ACSF2: variants seen among roughly 807,000 people sequenced by gnomAD.
The protein encoded by ACSF2 is medium-chain acyl-CoA ligase ACSF2, mitochondrial.
In ACSF2, 52 loss-of-function variants were observed where a neutral mutation model predicts 79.3. That is an observed-to-expected ratio of 0.66 (90% CI 0.53 to 0.83). The LOEUF (loss-of-function observed/expected upper bound fraction) is 0.83. ACSF2 is among the 40% of genes least tolerant of loss of function. ACSF2 has a pLI of 0.00. For synonymous variants in ACSF2, 283 were observed against 312.6 expected, an observed-to-expected ratio of 0.91 and a Z score of 1.00; for missense variants, 661 against 803.3, an observed-to-expected ratio of 0.82 and a Z score of 2.14.
chr17:50,441,507 A>G (rs985155018), intron 1 of ACSF2, among the ~76,000 whole-genome samples: 25 of 152,294 alleles, frequency 1.6e-4, no homozygotes, highest in Middle Eastern at 6.8e-3. Flanking sequence ...GGGCTCTGAA[A>G]AGATTCATGT....
At chr17:50,464,538 G>T (rs566193091) in intron 10 of ACSF2, 18 of 650,238 alleles carry the variant, frequency 2.8e-5, no homozygotes, top group Admixed American at 2.5e-4. Flanking sequence ...ATCTCAGGAA[G>T]AAATTGCAGC....
intron 10 of ACSF2, among the ~76,000 whole-genome samples, chr17:50,470,454 T>C (rs990046051): frequency 2.6e-5 from 4 of 152,040 alleles, no homozygotes; most frequent in Admixed American, 6.6e-5. Context: ...TTTTTTATTT[T>C]GATGGAAATA....
In ACSF2 at chr17:50,463,584, T is replaced by C. The variant is rs765125781; in HGVS notation, c.1046+32T>C. The stretch of plus-strand genomic sequence containing the variant: ...ACTGGTGGACAGGCTACTTGTGGGC[T>C]GATAAAACCCTCTTCTTCCTCACTC... On this transcript the variant is annotated intron_variant, in intron 8 of 15. Coordinates refer to ENST00000300441, the MANE Select transcript of ACSF2 (RefSeq NM_025149.6). The surrounding 1 kb of genome is among the most constrained non-coding windows in gnomAD (Gnocchi z 4.6). 6 of 1,609,014 alleles carry C rather than the reference T, an allele frequency of 3.7e-6. No homozygotes were observed. The African/African-American group carries it at 6.7e-5, about 18-fold the overall frequency.
intron 3 of ACSF2, 83 bp from the exon 4 acceptor site, chr17:50,461,550 C>G (rs1042210288): frequency 1.9e-6 from 3 of 1,604,700 alleles, no homozygotes; most frequent in Non-Finnish European, 2.6e-6. Context: ...AGAGTGCTGC[C>G]TCTATGCCTC....
chr17:50,428,642 C>T (rs1011422266), intron 1 of ACSF2, among the ~76,000 whole-genome samples: 4 of 151,676 alleles, frequency 2.6e-5, no homozygotes, highest in African/African-American at 4.8e-5. Context: ...ATTAGCCTGG[C>T]GTGGTGGCAC....
intron 1 of ACSF2, chr17:50,427,023 C>T (rs1029798983): frequency 6.5e-7 from 1 of 1,527,320 alleles, no homozygotes; most frequent in Admixed American, 2.0e-5. Context: ...CTTGGGAGGA[C>T]CCCGTGAGAT....
intron 1 of ACSF2, among the ~76,000 whole-genome samples, chr17:50,439,492 A>ATC (rs1263911015): frequency 3.9e-5 from 6 of 152,144 alleles, no homozygotes; most frequent in Non-Finnish European, 8.8e-5. Flanking sequence ...AGACCTGTAG[A>ATC]TCTAAGTTAT....
rs554025663 is a variant in ACSF2, at chr17:50,441,118, A to G, written c.128+14729A>G. Among the ~76,000 whole-genome samples, 183 of 152,368 alleles carry G rather than the reference A, an allele frequency of 1.2e-3. 2 individuals are homozygous for G. The highest frequency in any genetic ancestry group is 1.5e-3 in the Non-Finnish European group (103 of 68,024). Reference sequence around the variant, plus strand: ...TCTTGGAAAAGGGTCCAGATTTGCCACCCATCAGGGTCAGAACCTTAAGAA... The same window carrying G: ...TCTTGGAAAAGGGTCCAGATTTGCCGCCCATCAGGGTCAGAACCTTAAGAA... On this transcript the variant is annotated intron_variant, in intron 1 of 15. Transcript: ENST00000300441.
At chr17:50,447,333 A>C (rs1356306408) in intron 1 of ACSF2, among the ~76,000 whole-genome samples, 1 of 152,146 alleles carries the variant, frequency 6.6e-6, no homozygotes, top group Non-Finnish European at 1.5e-5. Flanking sequence ...TGAGCTCAGG[A>C]GTTCAAGAAC....
At chr17:50,465,370 G>A (rs1448640502) in intron 10 of ACSF2, 1 of 1,614,114 alleles carries the variant, frequency 6.2e-7, no homozygotes, top group Non-Finnish European at 8.5e-7. Context: ...TGTCACGGAT[G>A]TGCTGGCCCT....
chr17:50,454,198 G>C (rs2031851233), intron 1 of ACSF2, among the ~76,000 whole-genome samples: 1 of 129,384 alleles, frequency 7.7e-6, no homozygotes, highest in Admixed American at 8.3e-5. Context: ...TTTTTTTAGA[G>C]ACAGGGTCTT....
At position 50,426,276 on chromosome 17, in the gene ACSF2, C is replaced by T; in HGVS notation, c.15C>T (p.Val5=). The stretch of plus-strand genomic sequence containing the variant: ...CAAAGCGAGCCATGGCTGTCTACGT[C>T]GGGATGCTGCGCCTGGGGAGGCTGT... MAVY[V]GMLRLGRLCA... is the part of the protein sequence containing the mutation. The change falls in exon 1 of 16, where the codon GTC becomes GTT. Residue 5 remains valine, a synonymous_variant. Transcript: ENST00000300441. 1 of 1,400,260 alleles carries T rather than the reference C, an allele frequency of 7.1e-7. No individual in the cohort carries two copies. 86.7% of individuals were successfully genotyped at this position (1,400,260 alleles called of 1,614,324 possible).
intron 1 of ACSF2, among the ~76,000 whole-genome samples, chr17:50,459,656 G>T (rs1010736566): frequency 6.6e-6 from 1 of 152,152 alleles, no homozygotes; most frequent in Non-Finnish European, 1.5e-5. Flanking sequence ...CTCTTACCTG[G>T]CAGGGCTGGG....
chr17:50,464,605 G>A (rs1480117919), intron 10 of ACSF2: 1 of 545,160 alleles, frequency 1.8e-6, no homozygotes, highest in Non-Finnish European at 3.5e-6. Flanking sequence ...GGCAGGTGGG[G>A]GCTGGCAGAG....
At chr17:50,468,604 C>T (rs1434340311) in intron 10 of ACSF2, 1 of 1,614,190 alleles carries the variant, frequency 6.2e-7, no homozygotes, top group Non-Finnish European at 8.5e-7. Context: ...TGGCCCGGAA[C>T]GAATTGGCAG....
chr17:50,474,308 C>T lies in ACSF2; in HGVS notation c.1797+41C>T. The T allele has an allele frequency of 1.2e-6, 2 of 1,611,070 alleles. No individual in the cohort carries two copies. Among genetic ancestry groups the T allele is most frequent in the Non-Finnish European group, 1.7e-6 (2 of 1,177,328 alleles). The stretch of plus-strand genomic sequence containing the variant: ...GAGGCTGGGGAGGGCAGCCTGGGCT[C>T]TGGGGCCCCATAGGGCCCCACCTCT... On this transcript the variant is annotated intron_variant, in intron 15 of 15. Coordinates refer to ENST00000300441, the MANE Select transcript of ACSF2 (RefSeq NM_025149.6). The surrounding 1 kb of genome is among the most constrained non-coding windows in gnomAD (Gnocchi z 4.2).
At chr17:50,457,276 C>T (rs2032070986) in intron 1 of ACSF2, among the ~76,000 whole-genome samples, 1 of 152,182 alleles carries the variant, frequency 6.6e-6, no homozygotes, top group Non-Finnish European at 1.5e-5. Flanking sequence ...CCTTCCAGGC[C>T]ATCATTGGAT....
At chr17:50,437,563 G>A (rs559930943) in intron 1 of ACSF2, among the ~76,000 whole-genome samples, 1 of 152,240 alleles carries the variant, frequency 6.6e-6, no homozygotes, top group Non-Finnish European at 1.5e-5. Context: ...GGTTGAGACA[G>A]GAGGATCACT....
In ACSF2 at chr17:50,474,097, T is replaced by C. The variant is rs1331897928; in HGVS notation, c.1728+93T>C. 1.8e-5 allele frequency: 29 copies of C among 1,586,190 alleles called. No homozygotes were observed. The highest frequency in any genetic ancestry group is 2.3e-5 in the Non-Finnish European group (27 of 1,159,222). On this transcript the variant is annotated intron_variant, in intron 14 of 15. Transcript: ENST00000300441. The surrounding 1 kb of genome is among the most constrained non-coding windows in gnomAD (Gnocchi z 4.2). ...GCCCAGGGTGGGGATTGCTCTGCCC[T>C]TGACGAAGCTGACTCCTGGCCAGGC...
Sources: gnomAD v4.1 joint callset for allele counts (sites outside exome capture counted in the v4.1 genomes callset) on GRCh38, gnomAD v4.1.1 for gene constraint, Gnocchi (gnomAD v3.1) non-coding constraint, MANE v1.5 for transcripts, NCBI Gene and HGNC (gene_info 2026-07-23, HGNC 2026-07-21) for gene names.